Variants in GDF1 observed in about 807,000 individuals in gnomAD.
GDF1 encodes embryonic growth/differentiation factor 1.
GDF1 carries 8 observed loss-of-function variants against 7.4 expected under a neutral mutation model. The ratio of observed to expected loss-of-function variants is 1.09; its 90% CI spans 0.64 to 1.96. The LOEUF (loss-of-function observed/expected upper bound fraction) is 1.96. Ranked by LOEUF, GDF1 falls within the 30% of genes most tolerant of loss-of-function variation. GDF1 has a pLI of 0.00. For missense variants in GDF1, 574 were observed against 551.5 expected, an observed-to-expected ratio of 1.04 and a Z score of -0.41; for synonymous variants, 311 against 276.7, an observed-to-expected ratio of 1.12 and a Z score of -1.23.
In GDF1 at chr19:18,895,782, C is replaced by G. The variant is rs2056610292; in HGVS notation, c.-1074+42G>C. Reference sequence around the variant, plus strand: ...CCCAGGTCCCCGGTCCCGGCTTCCCCCAGTCCGGGGTCCCCTCGTCCCGGC... The same window carrying G: ...CCCAGGTCCCCGGTCCCGGCTTCCCGCAGTCCGGGGTCCCCTCGTCCCGGC... On this transcript the variant is annotated intron_variant, in intron 1 of 7. Transcript: ENST00000247005. This position sits in a 1 kb window ranked among gnomAD's most constrained non-coding sequence, Gnocchi z 6.4. 1 of 1,126,026 alleles carries G rather than the reference C, an allele frequency of 8.9e-7. No individual in the cohort carries two copies. The highest frequency in any genetic ancestry group is 3.7e-4 in the Middle Eastern group (1 of 2,692). The allele number at this position is 1,126,026 out of a possible 1,614,324, so 69.8% of individuals were successfully genotyped here.
At chr19:18,893,596 G>T in intron 1 of GDF1, 21 bp from the exon 2 acceptor site, 1 of 1,595,836 alleles carries the variant, frequency 6.3e-7, no homozygotes, top group East Asian at 2.3e-5. Context: ...GAAGACAGGC[G>T]GGCAGCCATT....
At chr19:18,891,489 G>A (rs953772036) in intron 2 of GDF1, among the ~76,000 whole-genome samples, 3 of 152,274 alleles carry the variant, frequency 2.0e-5, no homozygotes, top group East Asian at 3.9e-4. Context: ...CACAGAGCGC[G>A]CTGCAGTCAC....
intron 2 of GDF1, among the ~76,000 whole-genome samples, chr19:18,887,399 G>A (rs2056387662): frequency 1.3e-5 from 2 of 152,118 alleles, no homozygotes; most frequent in African/African-American, 4.8e-5. Flanking sequence ...CCTTTTGTGG[G>A]GGATGATAAT....
intron 2 of GDF1, among the ~76,000 whole-genome samples, chr19:18,884,524 C>T (rs2056301783): frequency 6.6e-6 from 1 of 151,638 alleles, no homozygotes. Flanking sequence ...TCTCCTGCTT[C>T]AGCCTCCTGA....
chr19:18,884,119 A>C lies in GDF1; in HGVS notation c.-765T>G. 1 of 1,613,512 alleles carries C rather than the reference A, an allele frequency of 6.2e-7. No homozygotes were observed. Among genetic ancestry groups the C allele is most frequent in the South Asian group, 1.1e-5 (1 of 90,998 alleles). Reference sequence around the variant, plus strand: ...CGTAGGAGGAGACGATGAGGATGAGAGTGACCACGTGGTGGAGCAGCATGA... The same window carrying C: ...CGTAGGAGGAGACGATGAGGATGAGCGTGACCACGTGGTGGAGCAGCATGA... On this transcript the variant is annotated 5_prime_UTR_variant, in exon 3 of 8. Coordinates refer to ENST00000247005, the MANE Select transcript of GDF1 (RefSeq NM_001492.6).
In GDF1 at chr19:18,878,519, G is replaced by A; in HGVS notation, c.-313+411C>T. The stretch of plus-strand genomic sequence containing the variant: ...AGCCTGGGTTCTCTCTGTGGCCCTT[G>A]GCGTTCCTTCCTCCCCAGCCCCACT... On this transcript the variant is annotated intron_variant, in intron 6 of 7. Transcript: ENST00000247005. This position sits in a 1 kb window ranked among gnomAD's most constrained non-coding sequence, Gnocchi z 4.6. The A allele has an allele frequency of 2.0e-6, 2 of 1,017,176 alleles. No homozygotes were observed. Among genetic ancestry groups the A allele is most frequent in the Non-Finnish European group, 2.4e-6 (2 of 848,006 alleles). 63.0% of individuals were successfully genotyped at this position (1,017,176 alleles called of 1,614,324 possible).
Position 18,868,961 on chromosome 19 carries a change from C to T in GDF1, c.755G>A (p.Arg252Gln). The change falls in exon 8 of 8, where the codon CGG becomes CAG. Residue 252 changes from arginine (R) to glutamine (Q), a missense_variant. By Grantham distance (43) the Arg-to-Gln change is conservative. Coordinates refer to ENST00000247005, the MANE Select transcript of GDF1 (RefSeq NM_001492.6). ...PRLCHPLARP[R>Q]RDAEPVLGGG... ...GCCCAACACGGGTTCGGCGTCGCGC[C>T]GCGGCCGGGCCAGGGGGTGGCACAG... 8.5e-7 allele frequency: 1 copy of T among 1,171,282 alleles called. No individual in the cohort carries two copies. The highest frequency in any genetic ancestry group is 1.1e-6 in the Non-Finnish European group (1 of 948,580). The allele number at this position is 1,171,282 out of a possible 1,614,324, so 72.6% of individuals were successfully genotyped here. A position where few individuals can be genotyped will look rare whatever the true frequency, so the allele number is the denominator to read the frequency against.
chr19:18,868,955 T>C lies in GDF1; in HGVS notation c.761A>G (p.Asp254Gly). ...LCHPLARPRR[D>G]AEPVLGGGPG... ...GCCGCCGCCCAACACGGGTTCGGCG[T>C]CGCGCCGCGGCCGGGCCAGGGGGTG... The change falls in exon 8 of 8, where the codon GAC (aspartate) becomes GGC (glycine). Residue 254 changes from aspartate to glycine, a missense_variant. Coordinates refer to ENST00000247005, the MANE Select transcript of GDF1 (RefSeq NM_001492.6). 2 of 1,187,126 alleles carry C rather than the reference T, an allele frequency of 1.7e-6. No homozygotes were observed. The highest frequency in any genetic ancestry group is 2.5e-5 in the South Asian group (1 of 40,260). 73.5% of individuals were successfully genotyped at this position (1,187,126 alleles called of 1,614,324 possible).
chr19:18,895,973 C>A lies in GDF1; in HGVS notation c.-1223G>T. The A allele has an allele frequency of 9.4e-7, 1 of 1,058,302 alleles. No homozygotes were observed. Among genetic ancestry groups the A allele is most frequent in the Non-Finnish European group, 1.1e-6 (1 of 876,862 alleles). The allele number at this position is 1,058,302 out of a possible 1,614,324, so 65.6% of individuals were successfully genotyped here. On this transcript the variant is annotated 5_prime_UTR_variant, in exon 1 of 8. Coordinates refer to ENST00000247005, the MANE Select transcript of GDF1 (RefSeq NM_001492.6). The surrounding 1 kb of genome is among the most constrained non-coding windows in gnomAD (Gnocchi z 6.4). ...CAGCCGCAGTCCGTGCAGCCCCGCG[C>A]CGCCGCCAGCGCGCTGCCCCAGCCG... is the stretch of plus-strand genomic sequence containing the variant.
chr19:18,893,232 C>T (rs1288054540), intron 2 of GDF1, among the ~76,000 whole-genome samples, 184 bp downstream of exon 2: 2 of 146,908 alleles, frequency 1.4e-5, no homozygotes, highest in Non-Finnish European at 3.0e-5. Flanking sequence ...TTTTTTGATA[C>T]AAGACAGGGT....
At chr19:18,873,199 G>GAAAT (rs1007029610) in intron 6 of GDF1, among the ~76,000 whole-genome samples, 4 of 152,122 alleles carry the variant, frequency 2.6e-5, no homozygotes, top group African/African-American at 9.7e-5. Context: ...AGTCTGGGGT[G>GAAAT]AAATTGGGGG....
chr19:18,888,892 T>TC (rs1555706342), intron 2 of GDF1, among the ~76,000 whole-genome samples: 4 of 145,694 alleles, frequency 2.7e-5, no homozygotes, highest in African/African-American at 5.1e-5. Flanking sequence ...TTTCTTTCTT[T>TC]TTTTTTTTTT....
rs558178531 is a variant in GDF1, at chr19:18,870,941, C to A, written c.-312-322G>T. ...CTGGAGGGCAAAACCCACGTACCGG[C>A]CTGGGCCTGACAACTCCACCGCCTC... On this transcript the variant is annotated intron_variant, in intron 6 of 7. Coordinates refer to ENST00000247005, the MANE Select transcript of GDF1 (RefSeq NM_001492.6). This position sits in a 1 kb window ranked among gnomAD's most constrained non-coding sequence, Gnocchi z 5.1. 5.3e-5 allele frequency among the ~76,000 whole-genome samples: 8 copies of A among 152,306 alleles called. No homozygotes were observed. The East Asian group carries it at 1.5e-3, about 29-fold the overall frequency.
At chr19:18,886,265 TG>T (rs950306669) in intron 2 of GDF1, among the ~76,000 whole-genome samples, 21 of 149,944 alleles carry the variant, frequency 1.4e-4, no homozygotes, top group African/African-American at 5.1e-4. Context: ...AAAAATTAGC[TG>T]GGGCCGGGCG....
chr19:18,892,804 G>A (rs867271278), intron 2 of GDF1, among the ~76,000 whole-genome samples: 20 of 152,164 alleles, frequency 1.3e-4, no homozygotes, highest in East Asian at 3.9e-4. Flanking sequence ...GCTCCAACAC[G>A]GCCAGATACC....
chr19:18,875,444 G>A (rs923795817), intron 6 of GDF1, among the ~76,000 whole-genome samples: 1 of 151,778 alleles, frequency 6.6e-6, no homozygotes, highest in Non-Finnish European at 1.5e-5. Context: ...TCAGGAGGCT[G>A]AGGCAGGAGA....
Position 18,870,431 on chromosome 19 carries a change from G to T in GDF1, c.-124C>A. The T allele has an allele frequency of 1.0e-6, 1 of 1,001,458 alleles. No homozygotes were observed. The highest frequency in any genetic ancestry group is 1.5e-6 in the Non-Finnish European group (1 of 673,590). The allele number at this position is 1,001,458 out of a possible 1,614,324, so 62.0% of individuals were successfully genotyped here. A position where few individuals can be genotyped will look rare whatever the true frequency, so the allele number is the denominator to read the frequency against. ...CTGGGGGGCGTGGCCGGGAACTGGA[G>T]GCAGGATGAGGGGGCGGGGTCCCAG... is the stretch of plus-strand genomic sequence containing the variant. On this transcript the variant is annotated 5_prime_UTR_variant, in exon 7 of 8. Transcript: ENST00000247005. This position sits in a 1 kb window ranked among gnomAD's most constrained non-coding sequence, Gnocchi z 5.1.
At position 18,895,963 on chromosome 19, in the gene GDF1, C is replaced by T. The variant is rs1370788453; in HGVS notation, c.-1213G>A. On this transcript the variant is annotated 5_prime_UTR_variant, in exon 1 of 8. Transcript: ENST00000247005. This position sits in a 1 kb window ranked among gnomAD's most constrained non-coding sequence, Gnocchi z 6.4. ...CGCCAGCCCCCAGCCGCAGTCCGTG[C>T]AGCCCCGCGCCGCCGCCAGCGCGCT... 9.3e-7 allele frequency: 1 copy of T among 1,077,160 alleles called. No individual in the cohort carries two copies. Among genetic ancestry groups the T allele is most frequent in the Non-Finnish European group, 1.1e-6 (1 of 889,006 alleles). 66.7% of individuals were successfully genotyped at this position (1,077,160 alleles called of 1,614,324 possible).
At chr19:18,869,470 A>T in intron 7 of GDF1, 80 bp from the exon 8 acceptor site, 1 of 1,391,658 alleles carries the variant, frequency 7.2e-7, no homozygotes. Context: ...ACAGGGAGGA[A>T]GGTGAACGCT....
Sources: gnomAD v4.1 joint callset for allele counts (sites outside exome capture counted in the v4.1 genomes callset) on GRCh38, gnomAD v4.1.1 for gene constraint, Gnocchi (gnomAD v3.1) non-coding constraint, MANE v1.5 for transcripts, NCBI Gene and HGNC (gene_info 2026-07-23, HGNC 2026-07-21) for gene names.